The following WDFY4 variants were observed in gnomAD, a reference collection of about 807,000 sequenced individuals.
WDFY4 encodes the protein WDFY family member 4.
Under a neutral mutation model 351.9 loss-of-function variants are expected in WDFY4, and 169 were observed. That is an observed-to-expected ratio of 0.48 (90% CI 0.42 to 0.55). WDFY4 has a LOEUF of 0.55. Among genes scored for constraint, WDFY4 ranks in the 20% least tolerant of loss-of-function variants. The probability of loss-of-function intolerance (pLI) is 0.00; values close to 1 mark genes in which losing one functional copy is unlikely to be tolerated. For missense variants in WDFY4, 3,803 were observed against 3,935.6 expected, an observed-to-expected ratio of 0.97 and a Z score of 0.90; for synonymous variants, 1,622 against 1,574.6, an observed-to-expected ratio of 1.03 and a Z score of -0.71.
intron 52 of WDFY4, 132 bp from the exon 53 acceptor site, chr10:48,959,590 G>A (rs1189133228): frequency 3.8e-6 from 3 of 799,654 alleles, no homozygotes; most frequent in South Asian, 1.5e-5. Flanking sequence ...AAAGCAGCAT[G>A]GTCTGCAGAG....
At chr10:48,898,348 C>A (rs1006604558) in intron 45 of WDFY4, among the ~76,000 whole-genome samples, 1 of 152,126 alleles carries the variant, frequency 6.6e-6, no homozygotes, top group Non-Finnish European at 1.5e-5. Context: ...AATAGCAAAG[C>A]TGCATCCCCA....
chr10:48,794,336 C>A (rs1360099989), intron 23 of WDFY4, among the ~76,000 whole-genome samples: 2 of 151,950 alleles, frequency 1.3e-5, no homozygotes, highest in African/African-American at 2.4e-5. Flanking sequence ...GGGCAGGTGG[C>A]GCTGGAAAGG....
At chr10:48,869,498 T>C (rs769937672) in intron 40 of WDFY4, among the ~76,000 whole-genome samples, 9 of 152,152 alleles carry the variant, frequency 5.9e-5, no homozygotes, top group East Asian at 5.8e-4. Context: ...TATCCCATTA[T>C]TATATCAACA....
intron 13 of WDFY4, 92 bp downstream of exon 13, chr10:48,760,532 C>A: frequency 7.6e-7 from 1 of 1,311,746 alleles, no homozygotes; most frequent in Non-Finnish European, 1.1e-6. Context: ...TCCTTTTGTC[C>A]GTGTCTTCAG....
chr10:48,931,370 G>C (rs565862495), intron 47 of WDFY4, among the ~76,000 whole-genome samples: 64 of 152,298 alleles, frequency 4.2e-4, no homozygotes, highest in Non-Finnish European at 8.1e-4. Context: ...CACTGAGAGT[G>C]GGGGAGGAGC....
At chr10:48,908,704 C>T (rs113741512) in intron 47 of WDFY4, among the ~76,000 whole-genome samples, 2,482 of 152,176 alleles carry the variant, frequency 0.016, 73 homozygotes, top group African/African-American at 0.055. Flanking sequence ...GTACACCTTT[C>T]ACTTAATATC....
chr10:48,881,281 G>A (rs78924519), intron 43 of WDFY4, among the ~76,000 whole-genome samples: 1 of 152,276 alleles, frequency 6.6e-6, no homozygotes, highest in East Asian at 1.9e-4. Context: ...GCCGTGTCAA[G>A]GGAAGGATGA....
At chr10:48,974,527 A>AAAAC in intron 57 of WDFY4, among the ~76,000 whole-genome samples, 3 of 23,148 alleles carry the variant, frequency 1.3e-4, no homozygotes, top group African/African-American at 2.2e-4. Flanking sequence ...AAAAAAAAAA[A>AAAAC]AACAACTCAT....
chr10:48,727,681 G>T (rs994750691), intron 7 of WDFY4, 22 bp downstream of exon 7: 2 of 1,550,918 alleles, frequency 1.3e-6, no homozygotes, highest in Non-Finnish European at 1.7e-6. Flanking sequence ...TGTTTGGTAC[G>T]GGGAGAGCAC....
At chr10:48,784,523 T>A (rs1428697840) in intron 19 of WDFY4, among the ~76,000 whole-genome samples, 1 of 146,036 alleles carries the variant, frequency 6.8e-6, no homozygotes, top group African/African-American at 2.5e-5. Flanking sequence ...TCTAATTGCA[T>A]TGTTTGCTTT....
intron 52 of WDFY4, 147 bp downstream of exon 52, chr10:48,957,429 GC>G: frequency 9.3e-7 from 1 of 1,074,906 alleles, no homozygotes; most frequent in Non-Finnish European, 1.3e-6. Context: ...GGGCAGCAGT[GC>G]CCAGAAGGAA....
chr10:48,709,013 C>T (rs933153817), intron 1 of WDFY4, among the ~76,000 whole-genome samples: 2 of 151,774 alleles, frequency 1.3e-5, no homozygotes, highest in African/African-American at 4.8e-5. Context: ...CAACACCCCC[C>T]CCCCCCAAAC....
chr10:48,802,767 G>A (rs1374066942), intron 24 of WDFY4: 3 of 471,660 alleles, frequency 6.4e-6, no homozygotes, highest in Non-Finnish European at 1.3e-5. Flanking sequence ...GCTGAAGAAT[G>A]TGTTGCCTGC....
rs762206941 is a variant in WDFY4, at chr10:48,982,602, C to T, written c.*27C>T. 9.1e-6 allele frequency: 14 copies of T among 1,546,560 alleles called. No individual in the cohort carries two copies. The South Asian group carries it at 1.4e-4, about 16-fold the overall frequency. On this transcript the variant is annotated 3_prime_UTR_variant, in exon 62 of 62. Coordinates refer to ENST00000325239, the MANE Select transcript of WDFY4 (RefSeq NM_001394531.1). ...AAGAGAGAGGCAGCAGAGGCTCTGGCACAACAGTGCCAGGCTGAGGGTGGC... is the reference window on the plus strand; with the variant it reads ...AAGAGAGAGGCAGCAGAGGCTCTGGTACAACAGTGCCAGGCTGAGGGTGGC...
At chr10:48,850,282 T>C (rs1274497037) in intron 39 of WDFY4, among the ~76,000 whole-genome samples, 2 of 152,234 alleles carry the variant, frequency 1.3e-5, no homozygotes, top group Non-Finnish European at 1.5e-5. Context: ...ATTATCTACA[T>C]ATATAATTTA....
intron 2 of WDFY4, among the ~76,000 whole-genome samples, chr10:48,710,443 AAAGATGAC>A (rs1378172602): frequency 2.1e-4 from 32 of 152,240 alleles, no homozygotes; most frequent in Non-Finnish European, 2.9e-5. Context: ...GTGTCATGCC[AAAGATGAC>A]AAGCAAGGCT....
intron 24 of WDFY4, among the ~76,000 whole-genome samples, chr10:48,797,260 A>C (rs2066907944): frequency 6.6e-6 from 1 of 152,000 alleles, no homozygotes; most frequent in South Asian, 2.1e-4. Flanking sequence ...GTTGGTTGCA[A>C]GAGCAGGAGA....
At chr10:48,897,606 C>T (rs1230979202) in intron 45 of WDFY4, 32 bp downstream of exon 45, 3 of 1,536,624 alleles carry the variant, frequency 2.0e-6, no homozygotes, top group East Asian at 2.4e-5. Flanking sequence ...ACGCCTGGGG[C>T]CTGCGAGAGG....
chr10:48,689,280 C>G (rs904741218), intron 1 of WDFY4, among the ~76,000 whole-genome samples: 3 of 152,130 alleles, frequency 2.0e-5, no homozygotes, highest in Non-Finnish European at 2.9e-5. Context: ...GCTGCCAGTC[C>G]CCTTTGAGGT....
Sources: gnomAD v4.1 joint callset for allele counts (sites outside exome capture counted in the v4.1 genomes callset) on GRCh38, gnomAD v4.1.1 for gene constraint, MANE v1.5 for transcripts, NCBI Gene and HGNC (gene_info 2026-07-23, HGNC 2026-07-21) for gene names.